The following PCBP2 variants were observed in gnomAD, a reference collection of about 807,000 sequenced individuals.
PCBP2 encodes the protein poly(rC) binding protein 2.
PCBP2 carries 4 observed loss-of-function variants against 50.1 expected under a neutral mutation model. That is an observed-to-expected ratio of 0.08 (90% CI 0.04 to 0.18). PCBP2 has a LOEUF of 0.18. PCBP2 is among the 10% of genes least tolerant of loss of function. The pLI is 1.00. For missense variants in PCBP2, 161 were observed against 474.3 expected (o/e 0.34, Z 6.14); for synonymous variants, 179 against 168.0 (o/e 1.07, Z -0.51).
At chr12:53,461,823 C>T (rs1309063311) in intron 7 of PCBP2, among the ~76,000 whole-genome samples, 2 of 152,116 alleles carry the variant, frequency 1.3e-5, no homozygotes, top group Non-Finnish European at 2.9e-5. Flanking sequence ...GATCCTCTCA[C>T]CTGTCTCCCC....
intron 14 of PCBP2, among the ~76,000 whole-genome samples, chr12:53,474,252 C>G (rs1364271408): frequency 1.3e-5 from 2 of 152,230 alleles, no homozygotes; most frequent in African/African-American, 4.8e-5. Context: ...TTCTTATCTA[C>G]ACTTCTGTTC....
chr12:53,456,454 T>G (rs1364227767), intron 5 of PCBP2, among the ~76,000 whole-genome samples: 1 of 149,892 alleles, frequency 6.7e-6, no homozygotes, highest in Non-Finnish European at 1.5e-5. Flanking sequence ...TGAGACTCTG[T>G]CTCAAAAAAA....
At chr12:53,466,298 G>A (rs1941817517) in intron 10 of PCBP2, among the ~76,000 whole-genome samples, 1 of 152,154 alleles carries the variant, frequency 6.6e-6, no homozygotes, top group Non-Finnish European at 1.5e-5. Flanking sequence ...AATTGACATT[G>A]GGACTGTGCT....
intron 4 of PCBP2, 66 bp downstream of exon 4, chr12:53,455,559 T>C (rs1169896229): frequency 7.8e-6 from 12 of 1,534,524 alleles, no homozygotes; most frequent in Non-Finnish European, 1.1e-5. Flanking sequence ...AAGTGAAAAT[T>C]CTTTTTCAGA....
chr12:53,479,676 T>TTTTTTTTTTGTTTTTG lies in PCBP2; in HGVS notation c.*241_*242insTTGTTTTTGTTTTTTT. The TTTTTTTTTTGTTTTTG allele has an allele frequency of 5.2e-6, 2 of 387,602 alleles. No individual in the cohort carries two copies. Among genetic ancestry groups the TTTTTTTTTTGTTTTTG allele is most frequent in the Non-Finnish European group, 9.2e-6 (2 of 217,140 alleles). 24.0% of individuals were successfully genotyped at this position (387,602 alleles called of 1,614,324 possible). Reference sequence around the variant, plus strand: ...GTTTTATAAGCTTCTCCCTGGTTTTTTTTTTTTGGCTCATGAATTTTTCTG... The same window carrying TTTTTTTTTTGTTTTTG: ...GTTTTATAAGCTTCTCCCTGGTTTTTTTTTTTTTTGTTTTTGTTTTTTTGGCTCATGAATTTTTCTG... On this transcript the variant is annotated 3_prime_UTR_variant, in exon 15 of 15. Coordinates refer to ENST00000546463, the MANE Select transcript of PCBP2 (RefSeq NM_031989.5).
intron 14 of PCBP2, chr12:53,474,879 G>A (rs1228503124): frequency 4.7e-6 from 2 of 425,004 alleles, no homozygotes; most frequent in Non-Finnish European, 9.7e-6. Context: ...TTTAGAAAAC[G>A]CTAAACCCTC....
intron 5 of PCBP2, among the ~76,000 whole-genome samples, chr12:53,456,251 G>A (rs1347468615): frequency 6.6e-6 from 1 of 152,048 alleles, no homozygotes; most frequent in Non-Finnish European, 1.5e-5. Context: ...GCAGATAAAC[G>A]AGGTCAGGAG....
chr12:53,472,828 A>G (rs1329636215), intron 14 of PCBP2, among the ~76,000 whole-genome samples: 1 of 152,108 alleles, frequency 6.6e-6, no homozygotes, highest in African/African-American at 2.4e-5. Context: ...TTAAGACTTC[A>G]TATCTTGAGG....
intron 1 of PCBP2, among the ~76,000 whole-genome samples, chr12:53,452,585 C>T (rs927159975): frequency 1.3e-5 from 2 of 151,684 alleles, no homozygotes; most frequent in Non-Finnish European, 2.9e-5. Context: ...CTATTCCCCC[C>T]TCCCCCCGCC....
At chr12:53,478,618 A>G (rs1232796338) in intron 14 of PCBP2, among the ~76,000 whole-genome samples, 1 of 152,162 alleles carries the variant, frequency 6.6e-6, no homozygotes, top group Non-Finnish European at 1.5e-5. Context: ...TGCCTGGGAA[A>G]CCTGTTGAAG....
intron 10 of PCBP2, among the ~76,000 whole-genome samples, chr12:53,466,399 T>C (rs541461010): frequency 6.6e-6 from 1 of 152,226 alleles, no homozygotes; most frequent in South Asian, 2.1e-4. Context: ...ATTTGAAAAG[T>C]ATTTGGAGGG....
At chr12:53,471,848 G>A (rs1254966764) in intron 14 of PCBP2, 41 bp downstream of exon 14, 8 of 1,534,222 alleles carry the variant, frequency 5.2e-6, no homozygotes, top group Non-Finnish European at 7.2e-6. Flanking sequence ...TGCCAACACA[G>A]TAATGTGTGT....
chr12:53,464,653 A>T, intron 8 of PCBP2, 107 bp from the exon 9 acceptor site: 1 of 1,449,688 alleles, frequency 6.9e-7, no homozygotes, highest in Non-Finnish European at 9.2e-7. Flanking sequence ...GCTCCTTTTT[A>T]AAGGAAAAAG....
intron 1 of PCBP2, chr12:53,452,918 A>C (rs1308870291): frequency 1.3e-5 from 2 of 151,250 alleles, no homozygotes; most frequent in Non-Finnish European, 2.9e-5. Flanking sequence ...GGGGCTGCGG[A>C]GTTAAAGAAA....
chr12:53,470,756 GTT>G (rs11377192), intron 13 of PCBP2, among the ~76,000 whole-genome samples: 2 of 138,310 alleles, frequency 1.4e-5, no homozygotes, highest in African/African-American at 2.7e-5. Flanking sequence ...ATGTTAACCA[GTT>G]TTTTTTTTTT....
chr12:53,471,912 G>T, intron 14 of PCBP2, 105 bp downstream of exon 14: 4 of 778,928 alleles, frequency 5.1e-6, no homozygotes, highest in African/African-American at 1.9e-5. Flanking sequence ...GATGGGTAAA[G>T]ATGGCCAAAA....
chr12:53,475,418 C>T (rs534419738), intron 14 of PCBP2: 61 of 320,526 alleles, frequency 1.9e-4, no homozygotes, highest in African/African-American at 1.1e-3. Context: ...CAGGGTCTGA[C>T]TTGAATTCTT....
intron 12 of PCBP2, chr12:53,468,498 TCCCTTG>T (rs1941974347): frequency 4.4e-6 from 2 of 455,374 alleles, no homozygotes; most frequent in South Asian, 2.8e-5. Flanking sequence ...GATACCACAC[TCCCTTG>T]CCCTTGCTTC....
intron 14 of PCBP2, 33 bp downstream of exon 14, chr12:53,471,840 C>T (rs1402154855): frequency 1.3e-6 from 2 of 1,588,180 alleles, no homozygotes; most frequent in Non-Finnish European, 1.7e-6. Flanking sequence ...CTTATTTATG[C>T]CAACACAGTA....
Sources: allele counts gnomAD v4.1 joint callset (sites outside exome capture counted in the v4.1 genomes callset), GRCh38; gene constraint gnomAD v4.1.1; transcripts MANE v1.5; gene names NCBI Gene and HGNC (gene_info 2026-07-23, HGNC 2026-07-21).